The following MYO9B variants were observed in gnomAD, a reference collection of about 807,000 sequenced individuals.
MYO9B encodes unconventional myosin-IXb.
A neutral mutation model predicts 229.5 loss-of-function variants in MYO9B; 71 were observed. The observed-to-expected ratio is 0.31, with a 90% CI of 0.26 to 0.38. MYO9B has a LOEUF of 0.38. Ranked by LOEUF, MYO9B falls within the 10% of genes least tolerant of loss-of-function variation. The pLI, the probability that MYO9B is intolerant of heterozygous loss-of-function variation, is 1.00. For missense variants in MYO9B, 2,255 were observed against 2,920.5 expected, an observed-to-expected ratio of 0.77 and a Z score of 5.25; for synonymous variants, 1,185 against 1,235.8, an observed-to-expected ratio of 0.96 and a Z score of 0.86.
At chr19:17,182,208 T>A (rs972255904) in intron 15 of MYO9B, among the ~76,000 whole-genome samples, 3 of 151,460 alleles carry the variant, frequency 2.0e-5, no homozygotes, top group Admixed American at 1.3e-4. Flanking sequence ...ACCTCCAGAG[T>A]AGCTGGAACT....
rs574882305 is a variant in MYO9B at position 17,210,804 on chromosome 19, A to G, written c.5886A>G (p.Glu1962=). ...CAGCCGGCGGCGATGAGGACCGGGA[A>G]AAGGAGATTCTCATTGAACGGATCC... ...EEAAGGDEDR[E]KEILIERIQS... The change falls in exon 38 of 40, where the codon GAA becomes GAG. Residue 1962 remains glutamate (E), a synonymous_variant. Coordinates refer to ENST00000682292, the MANE Select transcript of MYO9B (RefSeq NM_004145.4). 1 of 1,596,684 alleles carries G rather than the reference A, an allele frequency of 6.3e-7. No individual in the cohort carries two copies. The highest frequency in any genetic ancestry group is 1.3e-5 in the African/African-American group (1 of 74,634).
rs1043265163 is a variant in MYO9B at position 17,210,868 on chromosome 19, C to T, written c.5930+20C>T. On this transcript the variant is annotated intron_variant, in intron 38 of 39. Coordinates refer to ENST00000682292, the MANE Select transcript of MYO9B (RefSeq NM_004145.4). Reference sequence around the variant, plus strand: ...GGAGAAGCAAGTGGCTCAGTCCCCTCCCTCAGTCCTTCATGTTTAGGGCAA... The same window carrying T: ...GGAGAAGCAAGTGGCTCAGTCCCCTTCCTCAGTCCTTCATGTTTAGGGCAA... The T allele has an allele frequency of 1.5e-5, 24 of 1,581,908 alleles. No homozygotes were observed. Among genetic ancestry groups the T allele is most frequent in the Admixed American group, 3.7e-5 (2 of 54,476 alleles).
intron 2 of MYO9B, among the ~76,000 whole-genome samples, chr19:17,117,862 C>T (rs896984231): frequency 3.5e-5 from 5 of 144,082 alleles, no homozygotes; most frequent in African/African-American, 1.0e-4. Flanking sequence ...GGCTTGAACC[C>T]GGGAGTCAGA....
At chr19:17,125,583 A>G (rs764946884) in intron 2 of MYO9B, among the ~76,000 whole-genome samples, 1 of 152,092 alleles carries the variant, frequency 6.6e-6, no homozygotes, top group Non-Finnish European at 1.5e-5. Context: ...AGCTCATGGT[A>G]GGAGTCTGTC....
intron 13 of MYO9B, among the ~76,000 whole-genome samples, chr19:17,174,162 T>C (rs931073717): frequency 1.3e-5 from 2 of 151,470 alleles, no homozygotes; most frequent in Non-Finnish European, 2.9e-5. Context: ...CCTAAGTAGC[T>C]GCGACTACAG....
chr19:17,175,849 T>C, intron 14 of MYO9B, 108 bp downstream of exon 14: 1 of 884,432 alleles, frequency 1.1e-6, no homozygotes, highest in Non-Finnish European at 1.6e-6. Flanking sequence ...TTTTTTCTTT[T>C]GAGATGGAAT....
At chr19:17,154,567 C>T (rs1471213768) in intron 6 of MYO9B, among the ~76,000 whole-genome samples, 152 bp downstream of exon 6, 3 of 152,200 alleles carry the variant, frequency 2.0e-5, no homozygotes. Flanking sequence ...GGCCCAATAG[C>T]AGCGATCACA....
At chr19:17,099,513 C>T (rs1049948187) in intron 1 of MYO9B, among the ~76,000 whole-genome samples, 13 of 150,848 alleles carry the variant, frequency 8.6e-5, no homozygotes, top group African/African-American at 3.2e-4. Flanking sequence ...GAGGCCAAGG[C>T]GGGAGGATCG....
At chr19:17,209,381 G>T (rs755139082) in intron 35 of MYO9B, among the ~76,000 whole-genome samples, 4 of 152,204 alleles carry the variant, frequency 2.6e-5, no homozygotes, top group African/African-American at 9.7e-5. Flanking sequence ...ACAAGGAGGC[G>T]TGCAGAGACA....
At chr19:17,182,935 G>A (rs568098199) in intron 15 of MYO9B, among the ~76,000 whole-genome samples, 2 of 151,886 alleles carry the variant, frequency 1.3e-5, no homozygotes, top group South Asian at 4.2e-4. Flanking sequence ...TTTGGGGGGG[G>A]TTTTGAGACA....
chr19:17,198,974 G>A (rs2073077311), intron 24 of MYO9B, among the ~76,000 whole-genome samples: 1 of 152,154 alleles, frequency 6.6e-6, no homozygotes, highest in South Asian at 2.1e-4. Flanking sequence ...GCCAAGGTGG[G>A]ATGATCACTT....
At chr19:17,208,650 C>T (rs1017048739) in intron 35 of MYO9B, among the ~76,000 whole-genome samples, 9 of 152,118 alleles carry the variant, frequency 5.9e-5, no homozygotes, top group African/African-American at 2.2e-4. Context: ...CCAGGATGTT[C>T]TCGATCTCCT....
At chr19:17,171,348 G>A (rs750461288) in intron 11 of MYO9B, among the ~76,000 whole-genome samples, 3 of 151,806 alleles carry the variant, frequency 2.0e-5, no homozygotes, top group Non-Finnish European at 2.9e-5. Flanking sequence ...CCCCTCCCCG[G>A]AGCACAACAG....
intron 8 of MYO9B, among the ~76,000 whole-genome samples, chr19:17,161,217 C>T (rs1015111465): frequency 6.6e-6 from 1 of 152,064 alleles, no homozygotes; most frequent in African/African-American, 2.4e-5. Flanking sequence ...CCCACCCCCT[C>T]CCCGAGCCCA....
chr19:17,153,867 T>C, intron 4 of MYO9B, 100 bp from the exon 5 acceptor site: 3 of 836,968 alleles, frequency 3.6e-6, no homozygotes, highest in South Asian at 2.8e-5. Context: ...TTTGTACATA[T>C]TTGAGGTGTG....
chr19:17,204,064 T>TCGGGCCAGGG (rs2073135492), intron 30 of MYO9B, among the ~76,000 whole-genome samples: 2 of 151,774 alleles, frequency 1.3e-5, no homozygotes, highest in Non-Finnish European at 2.9e-5. Context: ...CCAGAACCAT[T>TCGGGCCAGGG]TGGGCCAGGG....
rs1359434211 is a variant in MYO9B, at chr19:17,172,644, G to T, written c.1936-115G>T. 1 of 1,475,852 alleles carries T rather than the reference G, an allele frequency of 6.8e-7. No individual in the cohort carries two copies. The highest frequency in any genetic ancestry group is 1.8e-5 in the Admixed American group (1 of 55,600). 91.4% of individuals were successfully genotyped at this position (1,475,852 alleles called of 1,614,324 possible). ...CGCCATAGTTCAAGAACTGCCATTT[G>T]CACTTAGGATGGGCCCCACCCCACC... On this transcript the variant is annotated intron_variant, in intron 12 of 39. Coordinates refer to ENST00000682292, the MANE Select transcript of MYO9B (RefSeq NM_004145.4). The surrounding 1 kb of genome is among the most constrained non-coding windows in gnomAD (Gnocchi z 8.2).
intron 2 of MYO9B, among the ~76,000 whole-genome samples, chr19:17,140,015 T>C (rs1022031365): frequency 9.2e-5 from 14 of 151,764 alleles, no homozygotes; most frequent in Non-Finnish European, 1.9e-4. Flanking sequence ...CACCCCAGCC[T>C]GGGCAACAAG....
At chr19:17,169,596 G>A (rs2072699006) in intron 11 of MYO9B, among the ~76,000 whole-genome samples, 1 of 151,950 alleles carries the variant, frequency 6.6e-6, no homozygotes, top group Admixed American at 6.6e-5. Context: ...GGTTCTGGAA[G>A]CTGGAAGTCT....
Sources: allele counts gnomAD v4.1 joint callset (sites outside exome capture counted in the v4.1 genomes callset), GRCh38; gene constraint gnomAD v4.1.1; non-coding constraint Gnocchi (gnomAD v3.1); transcripts MANE v1.5; gene names NCBI Gene and HGNC (gene_info 2026-07-23, HGNC 2026-07-21).